Variants in TRPC4 observed in about 807,000 individuals in gnomAD.
TRPC4 encodes the protein short transient receptor potential channel 4.
A neutral mutation model predicts 99.4 loss-of-function variants in TRPC4; 49 were observed. The ratio of observed to expected loss-of-function variants is 0.49; its 90% CI spans 0.39 to 0.63. TRPC4 has a LOEUF of 0.63. Ranked by LOEUF, TRPC4 falls within the 20% of genes least tolerant of loss-of-function variation. The probability of loss-of-function intolerance (pLI) is 0.00; values close to 1 mark genes in which losing one functional copy is unlikely to be tolerated. For missense variants in TRPC4, 898 were observed against 1,152.9 expected, an observed-to-expected ratio of 0.78 and a Z score of 3.20; for synonymous variants, 454 against 425.9, an observed-to-expected ratio of 1.07 and a Z score of -0.81.
In TRPC4 at chr13:37,634,833, G is replaced by T. The variant is rs1161061224; in HGVS notation, c.*2070C>A. Among the ~76,000 whole-genome samples the T allele has an allele frequency of 6.6e-6, 1 of 152,096 alleles. No individual in the cohort carries two copies. Among genetic ancestry groups the T allele is most frequent in the Middle Eastern group, 3.4e-3 (1 of 294 alleles). ...GAGTATTTCAGTAGCCCCAGGATTT[G>T]CTCTGAGTCCTAATATACTTGAGAT... On this transcript the variant is annotated 3_prime_UTR_variant, in exon 11 of 11. Coordinates refer to ENST00000379705, the MANE Select transcript of TRPC4 (RefSeq NM_016179.4).
At chr13:37,799,875 C>T (rs1191695311) in intron 1 of TRPC4, among the ~76,000 whole-genome samples, 1 of 152,078 alleles carries the variant, frequency 6.6e-6, no homozygotes, top group African/African-American at 2.4e-5. Flanking sequence ...GTTTTGGAGC[C>T]AAAATTATTG....
rs900030764 is a variant in TRPC4, at chr13:37,761,390, G to A, written c.379-14935C>T. On this transcript the variant is annotated intron_variant, in intron 2 of 10. Transcript: ENST00000379705. ...CCAGAGTCTAAATTCTTCACCAATA[G>A]ATGTTATGTCTTCTAGGTAAGGCAG... is the stretch of plus-strand genomic sequence containing the variant. Among the ~76,000 whole-genome samples, 16 of 151,994 alleles carry A rather than the reference G, an allele frequency of 1.1e-4. 1 individual carries two copies. Among genetic ancestry groups the A allele is most frequent in the Admixed American group, 1.1e-3 (16 of 15,216 alleles).
intron 2 of TRPC4, among the ~76,000 whole-genome samples, chr13:37,750,392 G>A (rs1166744301): frequency 9.2e-5 from 14 of 152,032 alleles, no homozygotes; most frequent in Non-Finnish European, 1.5e-5. Flanking sequence ...CAACTTGTCT[G>A]CCCACTGCAA....
chr13:37,637,674 A>G (rs1278607426), intron 10 of TRPC4, 49 bp from the exon 11 acceptor site: 1 of 1,512,534 alleles, frequency 6.6e-7, no homozygotes. Context: ...AAACATTTGG[A>G]AACATCATTT....
At chr13:37,693,848 A>G (rs1953816585) in intron 3 of TRPC4, among the ~76,000 whole-genome samples, 1 of 152,212 alleles carries the variant, frequency 6.6e-6, no homozygotes, top group African/African-American at 2.4e-5. Flanking sequence ...GGTTCAGTAA[A>G]TACAGATAAA....
chr13:37,859,173 A>ACTGATT (rs1959201976), intron 1 of TRPC4, among the ~76,000 whole-genome samples: 1 of 151,626 alleles, frequency 6.6e-6, no homozygotes, highest in Non-Finnish European at 1.5e-5. Context: ...AGAGCTGTAA[A>ACTGATT]TAAAATATAC....
At chr13:37,685,292 G>T (rs1953428818) in intron 4 of TRPC4, among the ~76,000 whole-genome samples, 1 of 152,056 alleles carries the variant, frequency 6.6e-6, no homozygotes, top group African/African-American at 2.4e-5. Context: ...TTGGGTGAGT[G>T]TCTCAGAAAG....
intron 5 of TRPC4, among the ~76,000 whole-genome samples, chr13:37,669,294 A>C (rs1952756731): frequency 6.6e-6 from 1 of 152,204 alleles, no homozygotes; most frequent in African/African-American, 2.4e-5. Context: ...GGGCTGGATA[A>C]TATTTAGAAA....
At chr13:37,783,809 A>T (rs1431229564) in intron 1 of TRPC4, among the ~76,000 whole-genome samples, 1 of 152,118 alleles carries the variant, frequency 6.6e-6, no homozygotes, top group African/African-American at 2.4e-5. Flanking sequence ...AGATTATGTA[A>T]TACCATTATG....
At chr13:37,818,990 A>T (rs9576369) in intron 1 of TRPC4, among the ~76,000 whole-genome samples, 43,799 of 151,730 alleles carry the variant, frequency 0.29, 6,529 homozygotes, top group East Asian at 0.43. Flanking sequence ...ATGAAAAAAA[A>T]TTTTTAAAAA....
chr13:37,804,614 TAAC>T (rs1416110742), intron 1 of TRPC4, among the ~76,000 whole-genome samples: 1 of 152,160 alleles, frequency 6.6e-6, no homozygotes, highest in Non-Finnish European at 1.5e-5. Flanking sequence ...GAATCTATAA[TAAC>T]AACAAAGTGT....
intron 1 of TRPC4, among the ~76,000 whole-genome samples, chr13:37,799,115 T>C (rs1489867960): frequency 2.0e-5 from 3 of 152,026 alleles, no homozygotes; most frequent in Admixed American, 6.6e-5. Flanking sequence ...TTTGTATTTT[T>C]AGTAGAGACA....
intron 1 of TRPC4, among the ~76,000 whole-genome samples, chr13:37,845,454 CAT>C (rs1051780826): frequency 1.3e-5 from 2 of 151,726 alleles, no homozygotes; most frequent in African/African-American, 4.8e-5. Context: ...TGCAAAGAAA[CAT>C]AAATAATAAA....
chr13:37,814,819 T>C (rs914169087), intron 1 of TRPC4, among the ~76,000 whole-genome samples: 12 of 151,760 alleles, frequency 7.9e-5, no homozygotes, highest in African/African-American at 2.4e-4. Context: ...TTAAAAGAAA[T>C]TGACAAGCTG....
chr13:37,698,522 T>C (rs944422773), intron 3 of TRPC4, among the ~76,000 whole-genome samples: 2 of 152,112 alleles, frequency 1.3e-5, no homozygotes, highest in African/African-American at 4.8e-5. Flanking sequence ...TCTATTTTCC[T>C]ATTTTTTGCT....
At chr13:37,687,789 T>C (rs534463453) in intron 4 of TRPC4, among the ~76,000 whole-genome samples, 1 of 152,306 alleles carries the variant, frequency 6.6e-6, no homozygotes, top group East Asian at 1.9e-4. Flanking sequence ...GTCTTTCCAA[T>C]GAAACTTTTT....
At chr13:37,709,976 G>A (rs1954423258) in intron 3 of TRPC4, among the ~76,000 whole-genome samples, 1 of 151,868 alleles carries the variant, frequency 6.6e-6, no homozygotes, top group South Asian at 2.1e-4. Context: ...TGGAAGGAGA[G>A]GCTGTGCCTA....
At chr13:37,714,673 G>T (rs1593571598) in intron 3 of TRPC4, among the ~76,000 whole-genome samples, 1 of 152,094 alleles carries the variant, frequency 6.6e-6, no homozygotes, top group Non-Finnish European at 1.5e-5. Context: ...CAGCCACACT[G>T]ATTTCTGCCA....
chr13:37,828,183 A>G (rs1158191037), intron 1 of TRPC4, among the ~76,000 whole-genome samples: 1 of 152,152 alleles, frequency 6.6e-6, no homozygotes. Context: ...GGCACTCCCT[A>G]GTGAGATGAA....
Sources: allele counts gnomAD v4.1 joint callset (sites outside exome capture counted in the v4.1 genomes callset), GRCh38; gene constraint gnomAD v4.1.1; transcripts MANE v1.5; gene names NCBI Gene and HGNC (gene_info 2026-07-23, HGNC 2026-07-21).